ARID1B: variants seen among roughly 807,000 people sequenced by gnomAD.
ARID1B encodes AT-rich interactive domain-containing protein 1B.
In ARID1B, 30 loss-of-function variants were observed where a neutral mutation model predicts 212.3. The ratio of observed to expected loss-of-function variants is 0.14; its 90% CI spans 0.11 to 0.19. The LOEUF (loss-of-function observed/expected upper bound fraction) is 0.19. Among genes scored for constraint, ARID1B ranks in the 10% least tolerant of loss-of-function variants. The pLI, the probability that ARID1B is intolerant of heterozygous loss-of-function variation, is 1.00. For missense variants in ARID1B, 2,891 were observed against 3,204.0 expected (o/e 0.90, Z 2.36); for synonymous variants, 1,402 against 1,301.7 (o/e 1.08, Z -1.66).
intron 4 of ARID1B, among the ~76,000 whole-genome samples, chr6:156,964,125 G>A (rs1274247099): frequency 1.3e-5 from 2 of 152,240 alleles, no homozygotes; most frequent in African/African-American, 4.8e-5. Flanking sequence ...CCCAAAGCCT[G>A]TCATCATGGA....
chr6:156,890,569 TA>T (rs1787849561), intron 2 of ARID1B, among the ~76,000 whole-genome samples: 1 of 152,174 alleles, frequency 6.6e-6, no homozygotes, highest in Non-Finnish European at 1.5e-5. Flanking sequence ...AGTTACCTGT[TA>T]GGAAGGAACC....
intron 1 of ARID1B, among the ~76,000 whole-genome samples, chr6:156,815,998 T>C (rs1781938285): frequency 6.6e-6 from 1 of 152,262 alleles, no homozygotes; most frequent in African/African-American, 2.4e-5. Context: ...ACTTTTCTCA[T>C]GTTAATATAT....
chr6:156,993,393 A>G (rs1778385321), intron 4 of ARID1B, among the ~76,000 whole-genome samples: 1 of 152,174 alleles, frequency 6.6e-6, no homozygotes. Flanking sequence ...GATAGGGGAA[A>G]TTTCTTTTTG....
intron 6 of ARID1B, among the ~76,000 whole-genome samples, chr6:157,118,503 C>T (rs974218388): frequency 2.6e-5 from 4 of 152,202 alleles, no homozygotes; most frequent in African/African-American, 9.7e-5. Flanking sequence ...ACTTAGCCTC[C>T]ACTCTTAATT....
intron 7 of ARID1B, among the ~76,000 whole-genome samples, chr6:157,144,899 A>G (rs1789615632): frequency 6.6e-6 from 1 of 152,134 alleles, no homozygotes; most frequent in Non-Finnish European, 1.5e-5. Context: ...ACTTGAAAAC[A>G]AAGTTTTGAT....
chr6:157,183,588 T>A (rs1792724852), intron 12 of ARID1B, among the ~76,000 whole-genome samples: 2 of 152,236 alleles, frequency 1.3e-5, no homozygotes, highest in African/African-American at 4.8e-5. Context: ...GGAGTTCTCT[T>A]TCTTTCTCCT....
Position 156,778,571 on chromosome 6 carries a change from G to A in ARID1B, c.891G>A (p.Pro297=), listed in dbSNP as rs1778864002. Residue 297 remains proline (P), a synonymous_variant, in exon 1 of 20, where the codon CCG becomes CCA. Coordinates refer to ENST00000636930, the MANE Select transcript of ARID1B (RefSeq NM_001374828.1). Reference sequence around the variant, plus strand: ...GCGCCCTGGGCACGCAGCAGCCGCCGGTCGCCGTGCCCGGGGGCGGCGGCG... The same window carrying A: ...GCGCCCTGGGCACGCAGCAGCCGCCAGTCGCCGTGCCCGGGGGCGGCGGCG... ...GLGALGTQQP[P]VAVPGGGGGP... The A allele has an allele frequency of 3.2e-6, 4 of 1,242,704 alleles. No individual in the cohort carries two copies. Among genetic ancestry groups the A allele is most frequent in the South Asian group, 6.5e-5 (2 of 30,764 alleles). The allele number at this position is 1,242,704 out of a possible 1,614,324, so 77.0% of individuals were successfully genotyped here. A position where few individuals can be genotyped will look rare whatever the true frequency, so the allele number is the denominator to read the frequency against.
chr6:157,206,552 A>C lies in ARID1B; in HGVS notation c.5780A>C (p.Asp1927Ala). 6.2e-7 allele frequency: 1 copy of C among 1,614,212 alleles called. No homozygotes were observed. Among genetic ancestry groups the C allele is most frequent in the Non-Finnish European group, 8.5e-7 (1 of 1,180,048 alleles). Residue 1927 changes from aspartate (D) to alanine (A), a missense_variant, in exon 20 of 20, where the codon GAC (aspartate) becomes GCC (alanine). Physicochemically the swap from Asp to Ala is moderately radical, Grantham distance 126. This residue lies in a region of ARID1B where 332 missense variants were observed against 369.2 expected (regional missense o/e 0.90). Transcript: ENST00000636930. The surrounding 1 kb of genome is among the most constrained non-coding windows in gnomAD (Gnocchi z 6.8). ...AACCTGTTTGTTGTTGACCGATCTG[A>C]CAAGTTGGGGCGTGTGCAGGAGTTC... Reference protein sequence around the residue: ...KNNLFVVDRSDKLGRVQEFNS... With the variant: ...KNNLFVVDRSAKLGRVQEFNS...
chr6:157,158,648 G>C (rs938935131), intron 8 of ARID1B, among the ~76,000 whole-genome samples: 1 of 152,112 alleles, frequency 6.6e-6, no homozygotes, highest in Admixed American at 6.5e-5. Flanking sequence ...TAAGAGACCT[G>C]CTCCCTCCAC....
intron 4 of ARID1B, among the ~76,000 whole-genome samples, chr6:157,014,214 A>G (rs764469657): frequency 2.0e-4 from 30 of 152,314 alleles, no homozygotes; most frequent in Middle Eastern, 3.4e-3. Context: ...TTTGGAATCT[A>G]GCAATATTGT....
intron 5 of ARID1B, among the ~76,000 whole-genome samples, chr6:157,088,235 C>T (rs1785070037): frequency 6.6e-6 from 1 of 152,176 alleles, no homozygotes; most frequent in African/African-American, 2.4e-5. Context: ...TTTTCTCATT[C>T]ATACAGAGGA....
At chr6:156,803,892 C>T (rs779064282) in intron 1 of ARID1B, among the ~76,000 whole-genome samples, 5 of 151,986 alleles carry the variant, frequency 3.3e-5, no homozygotes, top group South Asian at 2.1e-4. Context: ...ACGTAATTTA[C>T]GTGGTTGCTA....
intron 13 of ARID1B, chr6:157,184,760 C>G: frequency 2.8e-6 from 1 of 363,458 alleles, no homozygotes; most frequent in Non-Finnish European, 5.1e-6. Flanking sequence ...CCATCTACCT[C>G]TACACAAAAT....
chr6:157,075,807 A>G (rs1320421528), intron 4 of ARID1B, among the ~76,000 whole-genome samples: 2 of 152,238 alleles, frequency 1.3e-5, no homozygotes, highest in East Asian at 1.9e-4. Context: ...AGACATGCAA[A>G]TGAAGGACAT....
chr6:157,166,822 G>A (rs574618164), intron 8 of ARID1B: 1 of 463,484 alleles, frequency 2.2e-6, no homozygotes, highest in East Asian at 3.7e-5. Flanking sequence ...TAATTTACTT[G>A]CAGAACTTGT....
chr6:156,917,149 A>T (rs959499591), intron 3 of ARID1B, among the ~76,000 whole-genome samples: 11 of 151,616 alleles, frequency 7.3e-5, no homozygotes, highest in Non-Finnish European at 1.3e-4. Flanking sequence ...TTTTTTAGAG[A>T]GTATGGATCT....
chr6:156,976,556 G>A (rs991192753), intron 4 of ARID1B: 1 of 215,444 alleles, frequency 4.6e-6, no homozygotes, highest in African/African-American at 2.4e-5. Flanking sequence ...ACTCTCAGTG[G>A]ACAAAAAGAA....
intron 2 of ARID1B, among the ~76,000 whole-genome samples, chr6:156,866,884 T>G (rs1042521159): frequency 5.9e-5 from 9 of 152,228 alleles, no homozygotes; most frequent in Admixed American, 5.2e-4. Context: ...AAAAACTCAG[T>G]TGATTTTGCA....
intron 3 of ARID1B, among the ~76,000 whole-genome samples, chr6:156,904,383 T>G (rs545863922): frequency 3.3e-5 from 5 of 152,372 alleles, no homozygotes; most frequent in Admixed American, 2.0e-4. Context: ...ATTTAACCAG[T>G]TCTTTTTGAT....
Sources: gnomAD v4.1 joint callset for allele counts (sites outside exome capture counted in the v4.1 genomes callset) on GRCh38, gnomAD v4.1.1 for gene constraint, gnomAD v4.1.1 regional missense constraint, Gnocchi (gnomAD v3.1) non-coding constraint, MANE v1.5 for transcripts, NCBI Gene and HGNC (gene_info 2026-07-23, HGNC 2026-07-21) for gene names.